Variants in CAST observed in about 807,000 individuals in gnomAD.
CAST encodes MIR583 host.
In CAST, 76 loss-of-function variants were observed where a neutral mutation model predicts 119.6. The observed-to-expected ratio is 0.64, with a 90% CI of 0.53 to 0.77. The LOEUF is 0.77. Ranked by LOEUF, CAST falls within the 30% of genes least tolerant of loss-of-function variation. The pLI is 0.00. For missense variants in CAST, 953 were observed against 946.5 expected (o/e 1.01, Z -0.09); for synonymous variants, 319 against 331.6 (o/e 0.96, Z 0.41).
the CAST span, among the ~76,000 whole-genome samples, chr5:96,202,553 A>G: frequency 3.9e-5 from 6 of 152,262 alleles, no homozygotes; most frequent in African/African-American, 1.4e-4. Context: ...AAGACAAAAA[A>G]ACAAAAATAC....
the CAST span, among the ~76,000 whole-genome samples, chr5:96,494,528 T>A: frequency 2.6e-5 from 4 of 152,118 alleles, no homozygotes; most frequent in Non-Finnish European, 5.9e-5. Context: ...CTTTAGCAAA[T>A]CCCTAAAAAT....
At chr5:96,741,102 C>T (rs1391061765) in intron 13 of CAST, 164 bp from the exon 14 acceptor site, 11 of 602,192 alleles carry the variant, frequency 1.8e-5, no homozygotes, top group Non-Finnish European at 3.3e-5. Context: ...AATGAGTAGC[C>T]ACTCTCTTCA....
intron 1 of CAST, among the ~76,000 whole-genome samples, chr5:96,542,907 A>G (rs952348926): frequency 6.6e-6 from 1 of 152,232 alleles, no homozygotes; most frequent in African/African-American, 2.4e-5. Context: ...GAGGATGTGG[A>G]GAAATAGGAA....
At chr5:96,642,680 T>TTGTA (rs1252354131) in intron 1 of CAST, among the ~76,000 whole-genome samples, 3 of 151,998 alleles carry the variant, frequency 2.0e-5, no homozygotes, top group African/African-American at 7.3e-5. Flanking sequence ...TAGCTAGGAT[T>TTGTA]ACAGGCACCC....
chr5:95,989,747 G>C, the CAST span, among the ~76,000 whole-genome samples: 1 of 152,156 alleles, frequency 6.6e-6, no homozygotes, highest in Non-Finnish European at 1.5e-5. Flanking sequence ...GTAAGTTAAA[G>C]ATCATTATGT....
At chr5:96,180,377 G>T in the CAST span, among the ~76,000 whole-genome samples, 2 of 152,198 alleles carry the variant, frequency 1.3e-5, no homozygotes, top group Non-Finnish European at 2.9e-5. Flanking sequence ...GCTTAAAGTT[G>T]TGAGATAAAT....
the CAST span, among the ~76,000 whole-genome samples, chr5:96,212,655 A>T: frequency 1.2e-4 from 18 of 152,114 alleles, no homozygotes; most frequent in African/African-American, 4.1e-4. Context: ...CCTAGTTATT[A>T]TATCAATTGT....
the CAST span, among the ~76,000 whole-genome samples, chr5:96,406,165 C>T: frequency 2.6e-5 from 4 of 152,106 alleles, no homozygotes; most frequent in Admixed American, 1.3e-4. Flanking sequence ...AAAAAGGTCT[C>T]GTTTGACCCC....
chr5:96,759,016 A>AT (rs1767032133), intron 24 of CAST, among the ~76,000 whole-genome samples: 1 of 152,160 alleles, frequency 6.6e-6, no homozygotes. Context: ...AAATTCAAAG[A>AT]TTTGGAAAAA....
chr5:96,468,909 A>G, the CAST span, among the ~76,000 whole-genome samples: 2 of 152,100 alleles, frequency 1.3e-5, no homozygotes, highest in African/African-American at 4.8e-5. Context: ...GATCTCGTCT[A>G]AAATAGTTGC....
At chr5:96,430,787 A>C in the CAST span, among the ~76,000 whole-genome samples, 1 of 152,326 alleles carries the variant, frequency 6.6e-6, no homozygotes, top group African/African-American at 2.4e-5. Flanking sequence ...GAAAGATAGT[A>C]TTGTAAATCA....
At chr5:96,095,796 C>T in the CAST span, among the ~76,000 whole-genome samples, 2 of 151,972 alleles carry the variant, frequency 1.3e-5, no homozygotes, top group African/African-American at 4.8e-5. Flanking sequence ...CCACTGAAAA[C>T]ATCTTCAGAA....
At chr5:96,558,535 G>A (rs946969954) in intron 1 of CAST, among the ~76,000 whole-genome samples, 2 of 152,148 alleles carry the variant, frequency 1.3e-5, no homozygotes, top group Non-Finnish European at 2.9e-5. Flanking sequence ...TAACACCACA[G>A]ATCCCACAGA....
the CAST span, chr5:95,961,909 C>T: frequency 1.5e-6 from 1 of 685,086 alleles, no homozygotes; most frequent in Non-Finnish European, 2.2e-6. Flanking sequence ...TCCGGCCCCG[C>T]GCCCCGCCCC....
At chr5:96,505,912 A>AC in the CAST span, among the ~76,000 whole-genome samples, 2 of 152,214 alleles carry the variant, frequency 1.3e-5, no homozygotes, top group Non-Finnish European at 2.9e-5. Flanking sequence ...ACCTTGGAGT[A>AC]CCTGAGGATT....
chr5:96,434,667 C>T, the CAST span, among the ~76,000 whole-genome samples: 1 of 150,486 alleles, frequency 6.6e-6, no homozygotes, highest in Non-Finnish European at 1.5e-5. Flanking sequence ...AGGGCGCGAT[C>T]TATGCTGTAG....
the CAST span, among the ~76,000 whole-genome samples, chr5:96,297,671 C>A: frequency 3.3e-5 from 5 of 152,248 alleles, no homozygotes; most frequent in African/African-American, 9.6e-5. Context: ...ACAGAGGAGG[C>A]AAAGATGAAC....
the CAST span, among the ~76,000 whole-genome samples, chr5:96,038,292 A>T: frequency 6.6e-6 from 1 of 152,180 alleles, no homozygotes; most frequent in Non-Finnish European, 1.5e-5. Flanking sequence ...ATGAGAATAG[A>T]CAAACATCCC....
At chr5:96,089,095 G>T in the CAST span, among the ~76,000 whole-genome samples, 1 of 145,464 alleles carries the variant, frequency 6.9e-6, no homozygotes. Context: ...TTTTAACTCT[G>T]GGAATATGCC....
Sources: allele counts gnomAD v4.1 joint callset (sites outside exome capture counted in the v4.1 genomes callset), GRCh38; gene constraint gnomAD v4.1.1; transcripts MANE v1.5; gene names NCBI Gene and HGNC (gene_info 2026-07-23, HGNC 2026-07-21).